KCND2: variants seen among roughly 807,000 people sequenced by gnomAD.
KCND2 encodes the protein potassium voltage-gated channel subfamily D member 2, also known as A-type voltage-gated potassium channel KCND2.
KCND2 carries 16 observed loss-of-function variants against 54.4 expected under a neutral mutation model. The observed-to-expected ratio is 0.29, with a 90% confidence interval of 0.20 to 0.45. KCND2 has a LOEUF of 0.45. Ranked by LOEUF, KCND2 falls within the 20% of genes least tolerant of loss-of-function variation. The probability of loss-of-function intolerance (pLI) is 1.00; values close to 1 mark genes in which losing one functional copy is unlikely to be tolerated. For synonymous variants in KCND2, 317 were observed against 310.7 expected (o/e 1.02, Z -0.21); for missense variants, 486 against 824.2 (o/e 0.59, Z 5.02).
At chr7:120,595,074 T>G (rs999625792) in intron 1 of KCND2, among the ~76,000 whole-genome samples, 10 of 151,212 alleles carry the variant, frequency 6.6e-5, no homozygotes, top group Non-Finnish European at 1.3e-4. Flanking sequence ...GTGTCATAAG[T>G]ACCTAGCATT....
chr7:120,675,947 T>G (rs1221237178), intron 1 of KCND2, among the ~76,000 whole-genome samples: 2 of 149,552 alleles, frequency 1.3e-5, no homozygotes, highest in Admixed American at 1.4e-4. Context: ...AACCTCCGCC[T>G]CTTGAATTGG....
At chr7:120,384,851 C>T (rs1254266464) in intron 1 of KCND2, among the ~76,000 whole-genome samples, 8 of 152,204 alleles carry the variant, frequency 5.3e-5, no homozygotes, top group Admixed American at 1.3e-4. Context: ...ACAAGGAGAA[C>T]TTGTGCCTAG....
chr7:120,347,415 A>T (rs1800336217), intron 1 of KCND2, among the ~76,000 whole-genome samples: 1 of 152,192 alleles, frequency 6.6e-6, no homozygotes, highest in East Asian at 1.9e-4. Context: ...AACTGCATTA[A>T]GGAGCTAAGT....
chr7:120,593,968 G>A (rs1485989796), intron 1 of KCND2, among the ~76,000 whole-genome samples: 1 of 152,170 alleles, frequency 6.6e-6, no homozygotes, highest in Non-Finnish European at 1.5e-5. Context: ...GACCAGTACA[G>A]CCTCTGCCAA....
chr7:120,311,243 A>C (rs1270768529), intron 1 of KCND2, among the ~76,000 whole-genome samples: 1 of 152,202 alleles, frequency 6.6e-6, no homozygotes, highest in East Asian at 1.9e-4. Flanking sequence ...CATAAGCAGA[A>C]TTTTTGTGGC....
chr7:120,359,298 T>C (rs977343808), intron 1 of KCND2, among the ~76,000 whole-genome samples: 1 of 152,160 alleles, frequency 6.6e-6, no homozygotes, highest in African/African-American at 2.4e-5. Flanking sequence ...ATTCTGTATA[T>C]GTAATAAAGA....
intron 1 of KCND2, among the ~76,000 whole-genome samples, chr7:120,344,842 T>A (rs1206329258): frequency 6.6e-6 from 1 of 152,184 alleles, no homozygotes; most frequent in Non-Finnish European, 1.5e-5. Flanking sequence ...AATACTGAAC[T>A]TCTATTTCTT....
intron 1 of KCND2, among the ~76,000 whole-genome samples, chr7:120,560,602 A>G (rs1394293975): frequency 6.6e-6 from 1 of 152,194 alleles, no homozygotes; most frequent in East Asian, 1.9e-4. Context: ...ATGCAAATGA[A>G]TGCTAAGAAA....
chr7:120,281,339 T>C (rs189989696), intron 1 of KCND2, among the ~76,000 whole-genome samples: 1 of 151,972 alleles, frequency 6.6e-6, no homozygotes. Flanking sequence ...CATGTATGTA[T>C]GTATTTATGT....
intron 1 of KCND2, among the ~76,000 whole-genome samples, chr7:120,417,632 A>G (rs1468855356): frequency 6.6e-6 from 1 of 152,216 alleles, no homozygotes; most frequent in South Asian, 2.1e-4. Context: ...TTTTGGAATG[A>G]TATACGATCC....
chr7:120,693,695 G>C (rs1056146777), intron 1 of KCND2, among the ~76,000 whole-genome samples: 5 of 152,104 alleles, frequency 3.3e-5, no homozygotes, highest in Non-Finnish European at 7.4e-5. Context: ...TCACAAAAAA[G>C]TATTATCAAG....
intron 1 of KCND2, among the ~76,000 whole-genome samples, chr7:120,377,135 G>A (rs778768504): frequency 3.3e-5 from 5 of 151,902 alleles, no homozygotes; most frequent in African/African-American, 7.2e-5. Flanking sequence ...GATAGATCAC[G>A]TATCTTGTAT....
At chr7:120,432,942 T>G (rs567742963) in intron 1 of KCND2, among the ~76,000 whole-genome samples, 34 of 152,274 alleles carry the variant, frequency 2.2e-4, no homozygotes, top group Non-Finnish European at 4.3e-4. Context: ...GCCCATCAAT[T>G]GCAAGGCCAA....
At chr7:120,545,788 T>C (rs1792035251) in intron 1 of KCND2, among the ~76,000 whole-genome samples, 1 of 151,624 alleles carries the variant, frequency 6.6e-6, no homozygotes, top group Non-Finnish European at 1.5e-5. Flanking sequence ...AAAAAATATT[T>C]GGAGGGAGTT....
In KCND2 at chr7:120,485,187, C is replaced by T. The variant is rs142543184; in HGVS notation, c.1115+209440C>T. ...ATAGGCATGAGTGACTGCACCCAGC[C>T]TCATTTAATGTAATATTTGCAGCTA... On this transcript the variant is annotated intron_variant, in intron 1 of 5. Coordinates refer to ENST00000331113, the MANE Select transcript of KCND2 (RefSeq NM_012281.3). Among the ~76,000 whole-genome samples the T allele has an allele frequency of 1.5e-4, 23 of 152,220 alleles. 1 individual carries two copies. The East Asian group carries it at 3.7e-3, about 24-fold the overall frequency.
chr7:120,612,090 C>G (rs1172635723), intron 1 of KCND2, among the ~76,000 whole-genome samples: 1 of 152,200 alleles, frequency 6.6e-6, no homozygotes, highest in African/African-American at 2.4e-5. Flanking sequence ...CAATAGCACT[C>G]TCTACCCAAG....
At chr7:120,514,392 A>C (rs1327875355) in intron 1 of KCND2, among the ~76,000 whole-genome samples, 2 of 152,138 alleles carry the variant, frequency 1.3e-5, no homozygotes, top group Non-Finnish European at 2.9e-5. Context: ...TCTCGAAAAC[A>C]GTATATAAAT....
intron 1 of KCND2, among the ~76,000 whole-genome samples, chr7:120,675,522 C>A (rs1792049459): frequency 6.6e-6 from 1 of 152,070 alleles, no homozygotes; most frequent in Non-Finnish European, 1.5e-5. Context: ...CAGCGTGAGC[C>A]ACTGCACCCT....
intron 1 of KCND2, among the ~76,000 whole-genome samples, chr7:120,513,950 G>A (rs1803158975): frequency 6.6e-6 from 1 of 152,002 alleles, no homozygotes; most frequent in Non-Finnish European, 1.5e-5. Context: ...AACATTTAAT[G>A]TGTTATTATT....
Sources: allele counts gnomAD v4.1 joint callset (sites outside exome capture counted in the v4.1 genomes callset), GRCh38; gene constraint gnomAD v4.1.1; transcripts MANE v1.5; gene names NCBI Gene and HGNC (gene_info 2026-07-23, HGNC 2026-07-21).